Variants in PCDHA1 observed in about 807,000 individuals in gnomAD.
PCDHA1 encodes protocadherin alpha-1.
In PCDHA1, 42 loss-of-function variants were observed where a neutral mutation model predicts 61.3. The observed-to-expected ratio is 0.69, with a 90% confidence interval of 0.54 to 0.89. The LOEUF is 0.89. PCDHA1 is among the 40% of genes least tolerant of loss of function. The probability of loss-of-function intolerance (pLI) is 0.00; values close to 1 mark genes in which losing one functional copy is unlikely to be tolerated. For missense variants in PCDHA1, 1,256 were observed against 1,235.3 expected (o/e 1.02, Z -0.25); for synonymous variants, 610 against 553.8 (o/e 1.10, Z -1.43).
chr5:140,795,693 CCAAT>C, intron 1 of PCDHA1: 3 of 1,614,038 alleles, frequency 1.9e-6, no homozygotes, highest in Non-Finnish European at 2.5e-6. Context: ...CAACTTTTGC[CCAAT>C]CAGTTTACAA....
intron 1 of PCDHA1, chr5:140,828,611 T>C: frequency 6.2e-7 from 1 of 1,614,202 alleles, no homozygotes; most frequent in Non-Finnish European, 8.5e-7. Flanking sequence ...TAAACTCAGT[T>C]CTAGCGAATA....
At chr5:140,876,798 CG>C (rs1562719394) in intron 1 of PCDHA1, 1 of 1,614,180 alleles carries the variant, frequency 6.2e-7, no homozygotes, top group East Asian at 2.2e-5. Flanking sequence ...CTAGAGTGTC[CG>C]TGGAGGTGGC....
At chr5:140,871,679 A>G (rs2053261430) in intron 1 of PCDHA1, 2 of 1,116,800 alleles carry the variant, frequency 1.8e-6, no homozygotes, top group Admixed American at 3.1e-5. Flanking sequence ...TAATCATATG[A>G]ATAATCTGGC....
intron 1 of PCDHA1, among the ~76,000 whole-genome samples, chr5:140,838,390 C>T (rs1554137063): frequency 6.6e-6 from 1 of 150,926 alleles, no homozygotes; most frequent in African/African-American, 2.5e-5. Flanking sequence ...TCCCAATGTG[C>T]TGGGATTACA....
intron 1 of PCDHA1, among the ~76,000 whole-genome samples, chr5:140,950,043 A>G (rs1011500100): frequency 1.6e-4 from 25 of 151,950 alleles, no homozygotes; most frequent in Non-Finnish European, 3.4e-4. Context: ...TTACAACCAT[A>G]TAAGACTATT....
At chr5:140,854,140 T>A (rs251357) in intron 1 of PCDHA1, 2 of 418,878 alleles carry the variant, frequency 4.8e-6, no homozygotes, top group Non-Finnish European at 3.0e-6. Flanking sequence ...TCAGCCCGGG[T>A]GACAGCAAGA....
At chr5:140,871,648 T>C (rs948584860) in intron 1 of PCDHA1, 2 of 1,275,648 alleles carry the variant, frequency 1.6e-6, no homozygotes, top group Non-Finnish European at 2.1e-6. Context: ...AAATACCAAA[T>C]GATACACATC....
intron 1 of PCDHA1, chr5:140,869,210 C>A (rs781978731): frequency 1.7e-5 from 28 of 1,613,814 alleles, no homozygotes; most frequent in African/African-American, 1.5e-4. Context: ...TACTCCGTCT[C>A]GGAGGAGGCC....
At chr5:140,805,498 C>T in intron 1 of PCDHA1, 3 of 990,152 alleles carry the variant, frequency 3.0e-6, no homozygotes, top group Non-Finnish European at 3.6e-6. Context: ...AAGCTATTTT[C>T]ACTAGATTGA....
At chr5:140,857,330 G>A in intron 1 of PCDHA1, 1 of 1,598,660 alleles carries the variant, frequency 6.3e-7, no homozygotes, top group South Asian at 1.1e-5. Context: ...GACCGCGCGG[G>A]ACGGGGGCTC....
intron 1 of PCDHA1, chr5:140,824,250 T>C: frequency 1.4e-6 from 2 of 1,404,898 alleles, no homozygotes; most frequent in South Asian, 2.5e-5. Context: ...TGGTACACAA[T>C]TATTGCACTA....
At chr5:140,848,690 G>A in intron 1 of PCDHA1, 8 of 1,592,462 alleles carry the variant, frequency 5.0e-6, no homozygotes, top group Non-Finnish European at 6.9e-6. Flanking sequence ...GCCTGTTCCA[G>A]TTGGATTCCA....
chr5:140,821,607 G>A, intron 1 of PCDHA1: 1 of 768,480 alleles, frequency 1.3e-6, no homozygotes, highest in Non-Finnish European at 2.0e-6. Context: ...AAGGAATACA[G>A]TGAGTAGATT....
intron 1 of PCDHA1, among the ~76,000 whole-genome samples, chr5:140,797,724 T>G (rs1484431729): frequency 1.3e-5 from 2 of 152,250 alleles, no homozygotes; most frequent in African/African-American, 4.8e-5. Context: ...ATACGTATTT[T>G]CAACTGACAC....
chr5:140,896,929 G>A (rs2065808653), intron 1 of PCDHA1, among the ~76,000 whole-genome samples: 2 of 152,106 alleles, frequency 1.3e-5, no homozygotes, highest in African/African-American at 4.8e-5. Flanking sequence ...ATCACATCAT[G>A]GAAAATGGAA....
intron 1 of PCDHA1, among the ~76,000 whole-genome samples, chr5:140,921,352 T>C (rs889434892): frequency 6.6e-6 from 1 of 152,190 alleles, no homozygotes; most frequent in Non-Finnish European, 1.5e-5. Context: ...TATATTTGCC[T>C]ATATTCAAGT....
At chr5:140,852,885 ATT>A (rs879977429) in intron 1 of PCDHA1, 59 of 776,660 alleles carry the variant, frequency 7.6e-5, no homozygotes, top group Non-Finnish European at 8.1e-5. Flanking sequence ...CATAAAACGT[ATT>A]TTTTTTTTTG....
intron 1 of PCDHA1, 62 bp downstream of exon 1, chr5:140,788,746 T>C (rs1554118325): frequency 6.8e-7 from 1 of 1,476,882 alleles, no homozygotes; most frequent in African/African-American, 1.4e-5. Context: ...TCTAATCATC[T>C]TTTCAAATAT....
At chr5:140,928,836 C>T (rs1554206380) in intron 1 of PCDHA1, 1 of 1,614,168 alleles carries the variant, frequency 6.2e-7, no homozygotes. Context: ...CACTTTCCTC[C>T]TCTGTCACTC....
Sources: allele counts gnomAD v4.1 joint callset (sites outside exome capture counted in the v4.1 genomes callset), GRCh38; gene constraint gnomAD v4.1.1; transcripts MANE v1.5; gene names NCBI Gene and HGNC (gene_info 2026-07-23, HGNC 2026-07-21).